Variants in NSUN6 observed in about 807,000 individuals in gnomAD.
The protein encoded by NSUN6 is tRNA (cytosine(72)-C(5))-methyltransferase NSUN6.
In NSUN6, 64 loss-of-function variants were observed where a neutral mutation model predicts 58.0. That is an observed-to-expected ratio of 1.10 (90% confidence interval 0.90 to 1.36). The LOEUF (loss-of-function observed/expected upper bound fraction) is 1.36. Among genes scored for constraint, NSUN6 ranks in the 40% most tolerant of loss-of-function variants. NSUN6 has a pLI of 0.00. For missense variants in NSUN6, 701 were observed against 550.1 expected (o/e 1.27, Z -2.74); for synonymous variants, 231 against 193.9 (o/e 1.19, Z -1.59).
At chr10:18,556,184 G>T (rs143238933) in intron 8 of NSUN6, among the ~76,000 whole-genome samples, 1 of 151,082 alleles carries the variant, frequency 6.6e-6, no homozygotes, top group Non-Finnish European at 1.5e-5. Flanking sequence ...AATGCAGAGT[G>T]GAATGGAATG....
At chr10:18,637,334 G>A (rs12247869) in intron 3 of NSUN6, among the ~76,000 whole-genome samples, 4,302 of 152,204 alleles carry the variant, frequency 0.028, 197 homozygotes, top group African/African-American at 0.097. Flanking sequence ...CCCTGCAATA[G>A]CTCACCATTT....
At chr10:18,650,177 C>A (rs2059663388) in intron 1 of NSUN6, among the ~76,000 whole-genome samples, 1 of 151,820 alleles carries the variant, frequency 6.6e-6, no homozygotes, top group Non-Finnish European at 1.5e-5. Context: ...GACTTACATG[C>A]CAAAACAATG....
At chr10:18,645,265 G>GCTAT (rs60303763) in intron 2 of NSUN6, among the ~76,000 whole-genome samples, 83,770 of 151,490 alleles carry the variant, frequency 0.55, 23,571 homozygotes, top group East Asian at 0.94. Flanking sequence ...TGTCCACATG[G>GCTAT]CTGAGATAGT....
intron 3 of NSUN6, among the ~76,000 whole-genome samples, chr10:18,627,668 T>C (rs970887582): frequency 1.3e-5 from 2 of 152,140 alleles, no homozygotes; most frequent in African/African-American, 2.4e-5. Flanking sequence ...CCTGGAAAAT[T>C]GGGTCACTCC....
chr10:18,580,481 A>G (rs575437396), intron 8 of NSUN6, among the ~76,000 whole-genome samples: 2 of 152,308 alleles, frequency 1.3e-5, no homozygotes, highest in East Asian at 1.9e-4. Flanking sequence ...TGCACAGGCT[A>G]TAATTCCAGA....
At chr10:18,591,914 G>C (rs951370220) in intron 7 of NSUN6, among the ~76,000 whole-genome samples, 2 of 152,164 alleles carry the variant, frequency 1.3e-5, no homozygotes, top group Non-Finnish European at 2.9e-5. Context: ...AATAGGAAGA[G>C]AGGAAGTCAA....
chr10:18,591,425 G>T (rs1381759170), intron 7 of NSUN6, among the ~76,000 whole-genome samples: 4 of 151,984 alleles, frequency 2.6e-5, no homozygotes, highest in African/African-American at 4.8e-5. Flanking sequence ...CAAAACAAGA[G>T]AATTTCAGGA....
At chr10:18,563,532 GGAATGGAGAGTA>G (rs2055699741) in intron 8 of NSUN6, among the ~76,000 whole-genome samples, 1 of 150,344 alleles carries the variant, frequency 6.7e-6, no homozygotes, top group Non-Finnish European at 1.5e-5. Context: ...AATGGAGAGT[GGAATGGAGAGTA>G]GAATGGAAAG....
At chr10:18,557,087 A>G (rs1264581449) in intron 8 of NSUN6, among the ~76,000 whole-genome samples, 1 of 151,500 alleles carries the variant, frequency 6.6e-6, no homozygotes, top group Admixed American at 6.6e-5. Flanking sequence ...ATGGAATGCA[A>G]TGAAATGGAG....
chr10:18,563,733 C>T (rs750646363), intron 8 of NSUN6, among the ~76,000 whole-genome samples: 16 of 150,760 alleles, frequency 1.1e-4, no homozygotes, highest in Non-Finnish European at 2.1e-4. Flanking sequence ...TTCCATTCTC[C>T]ATTCCATTCC....
intron 3 of NSUN6, among the ~76,000 whole-genome samples, chr10:18,628,723 T>C (rs2058918706): frequency 2.6e-5 from 4 of 151,998 alleles, no homozygotes; most frequent in Admixed American, 6.6e-5. Context: ...TAAAAAGAAA[T>C]GAGGAAAGCC....
intron 8 of NSUN6, among the ~76,000 whole-genome samples, chr10:18,581,378 T>C (rs539355023): frequency 1.5e-4 from 23 of 152,302 alleles, no homozygotes; most frequent in African/African-American, 4.8e-4. Flanking sequence ...GCGATGAAAG[T>C]GACCTCTGGT....
chr10:18,652,748 C>G (rs45528733), upstream of NSUN6: 27 of 394,480 alleles, frequency 6.8e-5, no homozygotes, highest in African/African-American at 5.2e-4. Context: ...TTAATAGAGA[C>G]GGGGTTTCAC....
intron 8 of NSUN6, among the ~76,000 whole-genome samples, chr10:18,578,139 G>A (rs2056744275): frequency 6.6e-6 from 1 of 151,976 alleles, no homozygotes; most frequent in Non-Finnish European, 1.5e-5. Flanking sequence ...TAACCAGGAG[G>A]TGCCCTGCTC....
At chr10:18,583,216 T>C (rs2056983022) in intron 8 of NSUN6, among the ~76,000 whole-genome samples, 2 of 152,222 alleles carry the variant, frequency 1.3e-5, no homozygotes, top group Admixed American at 6.5e-5. Context: ...CCACGCATCT[T>C]GTAACCCCCT....
chr10:18,546,239 C>A, intron 10 of NSUN6, 94 bp from the exon 11 acceptor site: 2 of 871,472 alleles, frequency 2.3e-6, no homozygotes, highest in Non-Finnish European at 3.9e-6. Flanking sequence ...TGGGCTGTAA[C>A]GACTACATCT....
In NSUN6 at chr10:18,585,697, C is replaced by T. The variant is rs139697942; in HGVS notation, c.922+252G>A. Among the ~76,000 whole-genome samples the T allele has an allele frequency of 4.2e-3, 634 of 152,250 alleles. 2 individuals carry two copies. Among genetic ancestry groups the T allele is most frequent in the Middle Eastern group, 0.02 (6 of 294 alleles). On this transcript the variant is annotated intron_variant, in intron 8 of 10. Coordinates refer to ENST00000377304, the MANE Select transcript of NSUN6 (RefSeq NM_182543.5). ...ACACTGTTCAAAGGGTACAAAGTTT[C>T]AGATGGACGGGAGTAAGTTTTTGAG...
intron 3 of NSUN6, among the ~76,000 whole-genome samples, chr10:18,620,341 C>T (rs1014517034): frequency 2.0e-5 from 3 of 152,154 alleles, no homozygotes; most frequent in Non-Finnish European, 4.4e-5. Context: ...CCCGCCTCGG[C>T]CTCCCAAAGT....
intron 2 of NSUN6, among the ~76,000 whole-genome samples, chr10:18,648,238 G>C (rs1385940915): frequency 6.6e-6 from 1 of 152,160 alleles, no homozygotes; most frequent in Admixed American, 6.5e-5. Flanking sequence ...CTAAGGCCCA[G>C]TTTAATGCGG....
Sources: gnomAD v4.1 joint callset for allele counts (sites outside exome capture counted in the v4.1 genomes callset) on GRCh38, gnomAD v4.1.1 for gene constraint, MANE v1.5 for transcripts, NCBI Gene and HGNC (gene_info 2026-07-23, HGNC 2026-07-21) for gene names.